HEPHL1: variants seen among roughly 807,000 people sequenced by gnomAD.
The protein encoded by HEPHL1 is ferroxidase HEPHL1.
In HEPHL1, 123 loss-of-function variants were observed where a neutral mutation model predicts 122.0. That is an observed-to-expected ratio of 1.01 (90% CI 0.87 to 1.17). The LOEUF is 1.17. Among genes scored for constraint, HEPHL1 ranks in the 50% most tolerant of loss-of-function variants. The pLI is 0.00. For synonymous variants in HEPHL1, 527 were observed against 508.9 expected (o/e 1.04, Z -0.48); for missense variants, 1,452 against 1,430.5 (o/e 1.01, Z -0.24).
chr11:94,109,633 G>T (rs1565364704), intron 17 of HEPHL1, among the ~76,000 whole-genome samples: 2 of 152,098 alleles, frequency 1.3e-5, no homozygotes, highest in Non-Finnish European at 1.5e-5. Flanking sequence ...ATCTGTTGCT[G>T]AATTACATTT....
chr11:94,094,013 T>TAA lies in HEPHL1; in HGVS notation c.2434+376_2434+377dup, dbSNP rs1357060385. 1.3e-3 allele frequency among the ~76,000 whole-genome samples: 162 copies of TAA among 121,596 alleles called. 4 individuals are homozygous for TAA. In the East Asian group the frequency reaches 0.015, roughly 11 times the overall value. The allele number at this position is 121,596 out of a possible 152,430, so 79.8% of individuals were successfully genotyped here. On this transcript the variant is annotated intron_variant, in intron 13 of 19. Transcript: ENST00000315765. ...ATATATATATATATATATATATATA[T>TAA]AAAACTTTAAGTTCTAGGGTACATG...
chr11:94,106,161 CG>C lies in HEPHL1; in HGVS notation c.3045+32del, dbSNP rs770592014. 1.4e-5 allele frequency: 20 copies of C among 1,481,308 alleles called. 1 individual carries two copies. The South Asian group carries it at 2.9e-4, about 22-fold the overall frequency. 91.8% of individuals were successfully genotyped at this position (1,481,308 alleles called of 1,614,324 possible). On this transcript the variant is annotated intron_variant, in intron 17 of 19. Transcript: ENST00000315765. ...TATAAGGAAAGTGCTTTGGGAAAGA[CG>C]TTTTTGAACTAACAAATTCAATGTA...
intron 1 of HEPHL1, among the ~76,000 whole-genome samples, chr11:94,043,035 C>T (rs1452003919): frequency 6.6e-6 from 1 of 151,826 alleles, no homozygotes; most frequent in Non-Finnish European, 1.5e-5. Flanking sequence ...ATTAGGGCCA[C>T]AGAAAAGTAG....
intron 2 of HEPHL1, among the ~76,000 whole-genome samples, chr11:94,058,690 T>A (rs1279566953): frequency 1.3e-5 from 2 of 152,104 alleles, no homozygotes; most frequent in East Asian, 1.9e-4. Flanking sequence ...TAGGACTATT[T>A]AAAAATAAAT....
chr11:94,059,415 A>T (rs1167402244), intron 2 of HEPHL1, among the ~76,000 whole-genome samples: 1 of 152,160 alleles, frequency 6.6e-6, no homozygotes, highest in African/African-American at 2.4e-5. Flanking sequence ...AGGAATTGGC[A>T]AGCTGTCTTC....
chr11:94,045,698 G>C lies in HEPHL1; in HGVS notation c.196G>C (p.Gly66Arg), dbSNP rs567827686. The C allele has an allele frequency of 6.2e-7, 1 of 1,609,860 alleles. No individual in the cohort carries two copies. Among genetic ancestry groups the C allele is most frequent in the African/African-American group, 1.3e-5 (1 of 74,926 alleles). Residue 66 changes from glycine to arginine, a missense_variant, in exon 2 of 20, where the codon GGG becomes CGG. By Grantham distance (125) the Gly-to-Arg change is moderately radical. Transcript: ENST00000315765. ...DKLATLFLER[G>R]PNRIGSIYKK... is the part of the protein sequence containing the mutation. Reference sequence around the variant, plus strand: ...ACTTGCAACCTTATTTCTCGAAAGAGGGCCCAACAGGATAGGCAGTATTTA... The same window carrying C: ...ACTTGCAACCTTATTTCTCGAAAGACGGCCCAACAGGATAGGCAGTATTTA...
rs368055823 is a variant in HEPHL1 at position 94,102,978 on chromosome 11, T to C, written c.2640T>C (p.Asn880=). 9.9e-5 allele frequency: 159 copies of C among 1,609,034 alleles called. No individual in the cohort carries two copies. The highest frequency in any genetic ancestry group is 1.3e-4 in the Non-Finnish European group (154 of 1,175,604). ...CCGGTCCAGGGCCTTCTGATCCCAATTGTATTCCATGGGTTTACTATTCAA... is the reference window on the plus strand; with the variant it reads ...CCGGTCCAGGGCCTTCTGATCCCAACTGTATTCCATGGGTTTACTATTCAA... ...KRSGPGPSDP[N]CIPWVYYSTV... is the part of the protein sequence containing the mutation. Residue 880 remains asparagine, a synonymous_variant, in exon 15 of 20, where the codon AAT becomes AAC. Coordinates refer to ENST00000315765, the MANE Select transcript of HEPHL1 (RefSeq NM_001098672.2).
chr11:94,072,314 T>C (rs939758723), intron 6 of HEPHL1, among the ~76,000 whole-genome samples: 1 of 151,758 alleles, frequency 6.6e-6, no homozygotes, highest in African/African-American at 2.4e-5. Context: ...ACTGGGGTCG[T>C]GGTAGTGGGA....
intron 1 of HEPHL1, among the ~76,000 whole-genome samples, chr11:94,034,157 A>T (rs1945701420): frequency 6.6e-6 from 1 of 152,122 alleles, no homozygotes; most frequent in East Asian, 1.9e-4. Flanking sequence ...TTCAAAGAGG[A>T]CTTTTTCTGC....
intron 1 of HEPHL1, among the ~76,000 whole-genome samples, chr11:94,039,425 T>C (rs1945754894): frequency 6.6e-6 from 1 of 151,152 alleles, no homozygotes; most frequent in South Asian, 2.1e-4. Flanking sequence ...TACATTTTTT[T>C]CAGCACCACA....
Position 94,060,095 on chromosome 11 carries a change from TATATATATATATATATATATA to T in HEPHL1, c.416-3412_416-3392del, listed in dbSNP as rs1945972803. ...AATACCACTCAGTCATATTTTATTA[TATATATATATATATATATATA>T]TATATATATATATATATATATATAT... On this transcript the variant is annotated intron_variant, in intron 2 of 19. Coordinates refer to ENST00000315765, the MANE Select transcript of HEPHL1 (RefSeq NM_001098672.2). 1.2e-3 allele frequency among the ~76,000 whole-genome samples: 167 copies of T among 135,946 alleles called. 8 individuals are homozygous for T. Among genetic ancestry groups the T allele is most frequent in the African/African-American group, 4.7e-3 (156 of 32,852 alleles). The allele number at this position is 135,946 out of a possible 152,430, so 89.2% of individuals were successfully genotyped here. A position where few individuals can be genotyped will look rare whatever the true frequency, so the allele number is the denominator to read the frequency against.
chr11:94,051,831 G>A (rs1027048986), intron 2 of HEPHL1, among the ~76,000 whole-genome samples: 3 of 152,092 alleles, frequency 2.0e-5, no homozygotes, highest in Non-Finnish European at 4.4e-5. Context: ...TGAGAGATAG[G>A]AGTCTAGTTT....
At position 94,113,041 on chromosome 11, in the gene HEPHL1, T is replaced by C. The variant is rs1946464494; in HGVS notation, c.*1147T>C. On this transcript the variant is annotated 3_prime_UTR_variant, in exon 20 of 20. Transcript: ENST00000315765. ...AGAAAAAGATAATCTTGGTGGCAGA[T>C]TCTCTTAAACCATTAAACCAGCTTT... 1 of 152,288 alleles carries C rather than the reference T, an allele frequency of 6.6e-6. No homozygotes were observed. The highest frequency in any genetic ancestry group is 2.4e-5 in the African/African-American group (1 of 41,568). The allele number at this position is 152,288 out of a possible 1,614,324, so 9.4% of individuals were successfully genotyped here. A position where few individuals can be genotyped will look rare whatever the true frequency, so the allele number is the denominator to read the frequency against.
chr11:94,094,002 ATATATATATAT>A (rs1565360530), intron 13 of HEPHL1, among the ~76,000 whole-genome samples: 2 of 103,460 alleles, frequency 1.9e-5, no homozygotes, highest in African/African-American at 9.5e-5. Flanking sequence ...ATATATATAT[ATATATATATAT>A]AAAACTTTAA....
intron 9 of HEPHL1, among the ~76,000 whole-genome samples, chr11:94,078,446 CATATATAT>C (rs6144452): frequency 0.013 from 1,410 of 111,548 alleles, 71 homozygotes; most frequent in African/African-American, 0.041. Flanking sequence ...TCAGATGTTC[CATATATAT>C]ATATATATAT....
At chr11:94,065,160 T>C (rs1490052496) in intron 4 of HEPHL1, among the ~76,000 whole-genome samples, 3 of 152,186 alleles carry the variant, frequency 2.0e-5, no homozygotes, top group African/African-American at 7.2e-5. Context: ...TTTTAGGATT[T>C]TCTTAGAGAG....
At chr11:94,079,595 G>T (rs568323546) in intron 9 of HEPHL1, among the ~76,000 whole-genome samples, 4 of 152,306 alleles carry the variant, frequency 2.6e-5, no homozygotes, top group Admixed American at 2.6e-4. Context: ...GTTTGCAAGA[G>T]AAAAGAGTGG....
chr11:94,060,040 A>G lies in HEPHL1; in HGVS notation c.416-3468A>G, dbSNP rs368083406. On this transcript the variant is annotated intron_variant, in intron 2 of 19. Transcript: ENST00000315765. Reference sequence around the variant, plus strand: ...ATCTTCCAAGCCATGCATTTTATTCAGAGGGCTTTGGACAAAGGCAGTGTA... The same window carrying G: ...ATCTTCCAAGCCATGCATTTTATTCGGAGGGCTTTGGACAAAGGCAGTGTA... 3.0e-4 allele frequency among the ~76,000 whole-genome samples: 43 copies of G among 143,848 alleles called. 1 individual carries two copies. The highest frequency in any genetic ancestry group is 1.1e-3 in the African/African-American group (42 of 38,236). 94.4% of individuals were successfully genotyped at this position (143,848 alleles called of 152,430 possible). A position where few individuals can be genotyped will look rare whatever the true frequency, so the allele number is the denominator to read the frequency against.
chr11:94,070,940 A>G (rs886497779), intron 6 of HEPHL1, among the ~76,000 whole-genome samples: 4 of 152,112 alleles, frequency 2.6e-5, no homozygotes, highest in African/African-American at 9.7e-5. Context: ...TAAGAGGGTT[A>G]CCCTTTTTGG....
Sources: gnomAD v4.1 joint callset for allele counts (sites outside exome capture counted in the v4.1 genomes callset) on GRCh38, gnomAD v4.1.1 for gene constraint, MANE v1.5 for transcripts, NCBI Gene and HGNC (gene_info 2026-07-23, HGNC 2026-07-21) for gene names.